The following SERGEF variants were observed in gnomAD, a reference collection of about 807,000 sequenced individuals.
The protein encoded by SERGEF is secretion-regulating guanine nucleotide exchange factor.
In SERGEF, 51 loss-of-function variants were observed where a neutral mutation model predicts 50.0. The ratio of observed to expected loss-of-function variants is 1.02; its 90% CI spans 0.81 to 1.29. SERGEF has a LOEUF of 1.29. SERGEF is among the 50% of genes most tolerant of loss of function. The pLI is 0.00. For synonymous variants in SERGEF, 205 were observed against 212.4 expected, an observed-to-expected ratio of 0.97 and a Z score of 0.30; for missense variants, 521 against 557.0, an observed-to-expected ratio of 0.94 and a Z score of 0.65.
At chr11:17,820,704 T>C (rs1183958745) in intron 10 of SERGEF, among the ~76,000 whole-genome samples, 1 of 152,230 alleles carries the variant, frequency 6.6e-6, no homozygotes, top group Non-Finnish European at 1.5e-5. Context: ...GAATGTGACC[T>C]TTTATGGAAA....
At chr11:17,987,064 T>C (rs1457877264) in intron 8 of SERGEF, among the ~76,000 whole-genome samples, 1 of 152,258 alleles carries the variant, frequency 6.6e-6, no homozygotes, top group African/African-American at 2.4e-5. Context: ...ATATGGCCTA[T>C]GTCTTTTCTC....
At chr11:17,993,172 G>A (rs903333364) in intron 6 of SERGEF, among the ~76,000 whole-genome samples, 179 bp from the exon 7 acceptor site, 1 of 152,122 alleles carries the variant, frequency 6.6e-6, no homozygotes, top group African/African-American at 2.4e-5. Flanking sequence ...TAACATGCCA[G>A]GAGATTGAAC....
chr11:17,820,930 C>T (rs1294806590), intron 10 of SERGEF, among the ~76,000 whole-genome samples: 5 of 152,202 alleles, frequency 3.3e-5, no homozygotes, highest in Admixed American at 2.0e-4. Flanking sequence ...CTGGAAGGGT[C>T]AAAGAACAGA....
intron 9 of SERGEF, among the ~76,000 whole-genome samples, chr11:17,949,090 T>C (rs542035138): frequency 1.6e-4 from 25 of 152,256 alleles, no homozygotes; most frequent in African/African-American, 5.3e-4. Context: ...TGGCTGGGGA[T>C]CTTGGGGGTC....
chr11:17,911,852 G>C (rs151133335), intron 9 of SERGEF, among the ~76,000 whole-genome samples: 3 of 152,138 alleles, frequency 2.0e-5, no homozygotes, highest in African/African-American at 7.2e-5. Context: ...AAGTCCCCTC[G>C]TACAGCCCTG....
intron 9 of SERGEF, among the ~76,000 whole-genome samples, chr11:17,940,702 T>C (rs1852545551): frequency 6.6e-6 from 1 of 151,946 alleles, no homozygotes. Context: ...GCTTCCCGAG[T>C]AGCTGAGACC....
intron 9 of SERGEF, among the ~76,000 whole-genome samples, chr11:17,954,710 G>A (rs1193144311): frequency 6.6e-6 from 1 of 152,202 alleles, no homozygotes; most frequent in African/African-American, 2.4e-5. Context: ...ACATGCACGT[G>A]TATACTGAGT....
In SERGEF at chr11:17,933,100, T is replaced by A. The variant is rs552698498; in HGVS notation, c.1011+26370A>T. Among the ~76,000 whole-genome samples the A allele has an allele frequency of 7.2e-5, 11 of 152,290 alleles. No homozygotes were observed. In the South Asian group the frequency reaches 2.3e-3, roughly 32 times the overall value. ...CTCCAGTATACCACAAAATGTTGAA[T>A]ACTGAGGAAGACAATAATAATGAAA... On this transcript the variant is annotated intron_variant, in intron 9 of 10. Transcript: ENST00000265965.
intron 10 of SERGEF, among the ~76,000 whole-genome samples, chr11:17,816,675 C>G (rs1320597127): frequency 3.3e-5 from 5 of 152,204 alleles, no homozygotes; most frequent in Non-Finnish European, 7.3e-5. Context: ...TCCTGGCCAG[C>G]CACCCCAAAG....
At chr11:17,910,170 T>TAC (rs143977376) in intron 9 of SERGEF, among the ~76,000 whole-genome samples, 1,646 of 147,958 alleles carry the variant, frequency 0.011, 24 homozygotes, top group Middle Eastern at 0.052. Context: ...ATTTGCCACC[T>TAC]ACACACACAC....
At chr11:17,814,104 C>G (rs1849922546) in intron 10 of SERGEF, among the ~76,000 whole-genome samples, 1 of 152,208 alleles carries the variant, frequency 6.6e-6, no homozygotes, top group African/African-American at 2.4e-5. Context: ...TTGTTGAGAA[C>G]TCTAACCCTT....
At position 17,990,204 on chromosome 11, in the gene SERGEF, A is replaced by G. The variant is rs1376083188; in HGVS notation, c.686-1449T>C. Among the ~76,000 whole-genome samples, 4 of 152,232 alleles carry G rather than the reference A, an allele frequency of 2.6e-5. No individual in the cohort carries two copies. The East Asian group carries it at 7.7e-4, about 29-fold the overall frequency. ...ATTAAGGGGCTTCAGACTAAGGTTC[A>G]GAAGTCTCCAGTTCAAGTTCCATCT... is the stretch of plus-strand genomic sequence containing the variant. On this transcript the variant is annotated intron_variant, in intron 7 of 10. Coordinates refer to ENST00000265965, the MANE Select transcript of SERGEF (RefSeq NM_012139.4).
intron 9 of SERGEF, among the ~76,000 whole-genome samples, chr11:17,920,191 G>A (rs879893951): frequency 6.6e-6 from 1 of 152,122 alleles, no homozygotes; most frequent in Non-Finnish European, 1.5e-5. Flanking sequence ...AGATTGCAGT[G>A]AACCGAGATT....
At chr11:17,792,417 C>T (rs992720313) in intron 10 of SERGEF, among the ~76,000 whole-genome samples, 23 of 152,174 alleles carry the variant, frequency 1.5e-4, no homozygotes, top group Non-Finnish European at 2.8e-4. Flanking sequence ...TGACCGTCAG[C>T]AGGGATGGGG....
intron 10 of SERGEF, among the ~76,000 whole-genome samples, chr11:17,806,719 G>T (rs2133830832): frequency 6.6e-6 from 1 of 152,270 alleles, no homozygotes; most frequent in African/African-American, 2.4e-5. Flanking sequence ...CTTGAAGTGA[G>T]GTGAGGCCGT....
At chr11:17,898,707 CTTTGAG>C (rs1262525734) in intron 9 of SERGEF, among the ~76,000 whole-genome samples, 1 of 152,160 alleles carries the variant, frequency 6.6e-6, no homozygotes, top group Non-Finnish European at 1.5e-5. Flanking sequence ...TCTTCCAAAA[CTTTGAG>C]TTTAATTCTC....
intron 9 of SERGEF, among the ~76,000 whole-genome samples, chr11:17,906,977 T>C (rs554780208): frequency 1.7e-4 from 26 of 152,268 alleles, no homozygotes; most frequent in African/African-American, 6.3e-4. Flanking sequence ...AGATGAGACT[T>C]TGGACTGTGC....
intron 10 of SERGEF, among the ~76,000 whole-genome samples, chr11:17,875,222 C>A (rs769855921): frequency 6.6e-6 from 1 of 152,198 alleles, no homozygotes. Flanking sequence ...GGAAGTCAGG[C>A]AGACAGCTCT....
chr11:17,817,522 T>C (rs146592616), intron 10 of SERGEF, among the ~76,000 whole-genome samples: 25 of 152,320 alleles, frequency 1.6e-4, no homozygotes, highest in African/African-American at 5.8e-4. Flanking sequence ...GGCCTCCATG[T>C]ATTAACTCAT....
Sources: allele counts gnomAD v4.1 joint callset (sites outside exome capture counted in the v4.1 genomes callset), GRCh38; gene constraint gnomAD v4.1.1; transcripts MANE v1.5; gene names NCBI Gene and HGNC (gene_info 2026-07-23, HGNC 2026-07-21).